FAM222A: variants seen among roughly 807,000 people sequenced by gnomAD.
The protein encoded by FAM222A is protein FAM222A.
FAM222A carries 7 observed loss-of-function variants against 25.8 expected under a neutral mutation model. The ratio of observed to expected loss-of-function variants is 0.27; its 90% CI spans 0.15 to 0.51. FAM222A has a LOEUF of 0.51. FAM222A is among the 20% of genes least tolerant of loss of function. FAM222A has a pLI of 0.97. For missense variants in FAM222A, 573 were observed against 640.5 expected (o/e 0.89, Z 1.14); for synonymous variants, 294 against 298.8 (o/e 0.98, Z 0.17).
chr12:109,755,282 T>G (rs1256880188), intron 2 of FAM222A, among the ~76,000 whole-genome samples: 2 of 122,024 alleles, frequency 1.6e-5, no homozygotes, highest in Non-Finnish European at 3.4e-5. Context: ...AGGTCTGTAA[T>G]TCTTCTTTTT....
At chr12:109,762,900 C>A (rs895558767) in intron 2 of FAM222A, among the ~76,000 whole-genome samples, 15 of 152,230 alleles carry the variant, frequency 9.9e-5, no homozygotes, top group African/African-American at 3.6e-4. Flanking sequence ...GAGGCTCATG[C>A]CCCACCTGAA....
At chr12:109,754,252 T>C (rs1261232332) in intron 2 of FAM222A, among the ~76,000 whole-genome samples, 3 of 151,976 alleles carry the variant, frequency 2.0e-5, no homozygotes, top group Non-Finnish European at 2.9e-5. Flanking sequence ...AGTATAAGGA[T>C]TAGAAAGGAG....
chr12:109,726,781 AG>A (rs1414276544), intron 1 of FAM222A, among the ~76,000 whole-genome samples: 1 of 152,134 alleles, frequency 6.6e-6, no homozygotes, highest in Non-Finnish European at 1.5e-5. Context: ...GGTGGGACTT[AG>A]GAGGGAGATG....
chr12:109,768,518 C>T lies in FAM222A; in HGVS notation c.589C>T (p.Pro197Ser). Residue 197 changes from proline to serine, a missense_variant, in exon 3 of 3, where the codon CCC becomes TCC. Transcript: ENST00000538780. The stretch of plus-strand genomic sequence containing the variant: ...CCTGCCCCTGCCACCTTCCAACCTG[C>T]CCTCCATCCACAGCCTCCTGTACCA... ...RGLPLPPSNLPSIHSLLYQLN... is the reference protein window; with the variant it reads ...RGLPLPPSNLSSIHSLLYQLN... The T allele has an allele frequency of 6.2e-7, 1 of 1,606,336 alleles. No homozygotes were observed.
At chr12:109,753,738 C>A (rs935274833) in intron 2 of FAM222A, among the ~76,000 whole-genome samples, 2 of 151,312 alleles carry the variant, frequency 1.3e-5, no homozygotes, top group Admixed American at 1.3e-4. Context: ...CTCAGGACGC[C>A]GACAGGCTGG....
In FAM222A at chr12:109,714,313, G is replaced by C. The variant is rs1566181263; in HGVS notation, c.-631G>C. 6.4e-6 allele frequency: 1 copy of C among 156,714 alleles called. No individual in the cohort carries two copies. The highest frequency in any genetic ancestry group is 2.4e-5 in the African/African-American group (1 of 41,422). The allele number at this position is 156,714 out of a possible 1,614,324, so 9.7% of individuals were successfully genotyped here. A position where few individuals can be genotyped will look rare whatever the true frequency, so the allele number is the denominator to read the frequency against. ...CGGTGCATTCTCGCCGCTGTTCTTTGCAACCTGCAGGGGCCGGTGTATGTC... is the reference window on the plus strand; with the variant it reads ...CGGTGCATTCTCGCCGCTGTTCTTTCCAACCTGCAGGGGCCGGTGTATGTC... On this transcript the variant is annotated 5_prime_UTR_variant, in exon 1 of 3. Coordinates refer to ENST00000538780, the MANE Select transcript of FAM222A (RefSeq NM_032829.3). This position sits in a 1 kb window ranked among gnomAD's most constrained non-coding sequence, Gnocchi z 4.2.
intron 1 of FAM222A, among the ~76,000 whole-genome samples, chr12:109,720,969 AG>A (rs1887735536): frequency 6.6e-6 from 1 of 152,170 alleles, no homozygotes; most frequent in Non-Finnish European, 1.5e-5. Flanking sequence ...TGGAGTAGCC[AG>A]GGAGGGCTCC....
At chr12:109,767,555 G>A (rs73202454) in intron 2 of FAM222A, among the ~76,000 whole-genome samples, 4 of 152,212 alleles carry the variant, frequency 2.6e-5, no homozygotes, top group Non-Finnish European at 4.4e-5. Context: ...ACCATACAGC[G>A]ATGAGACAGA....
intron 1 of FAM222A, among the ~76,000 whole-genome samples, chr12:109,718,659 C>T (rs1887692976): frequency 6.6e-6 from 1 of 152,222 alleles, no homozygotes; most frequent in Non-Finnish European, 1.5e-5. Context: ...CTGTGCGTTG[C>T]GGGCCGCGGG....
At chr12:109,747,252 C>T (rs1050258247) in intron 2 of FAM222A, among the ~76,000 whole-genome samples, 4 of 152,180 alleles carry the variant, frequency 2.6e-5, no homozygotes, top group Non-Finnish European at 5.9e-5. Context: ...CGCTACCACA[C>T]CTGGCTAATT....
intron 1 of FAM222A, among the ~76,000 whole-genome samples, chr12:109,723,002 T>TGGGGGGGGGGGGG (rs141202990): frequency 1.7e-3 from 102 of 61,498 alleles, no homozygotes; most frequent in African/African-American, 3.2e-3. Flanking sequence ...AGGGAGCGGG[T>TGGGGGGGGGGGGG]GGGGGGGGGA....
At chr12:109,720,327 G>A (rs1464304243) in intron 1 of FAM222A, among the ~76,000 whole-genome samples, 1 of 152,252 alleles carries the variant, frequency 6.6e-6, no homozygotes, top group Non-Finnish European at 1.5e-5. Context: ...CCCAGAGTCT[G>A]TGGGGAGGGG....
intron 1 of FAM222A, among the ~76,000 whole-genome samples, chr12:109,728,243 G>A (rs1887878939): frequency 6.6e-6 from 1 of 152,140 alleles, no homozygotes; most frequent in African/African-American, 2.4e-5. Flanking sequence ...ATGCACCAGG[G>A]ACTGTCCCAC....
rs1471072718 is a variant in FAM222A, at chr12:109,769,602, G to A, written c.*314G>A. 4.6e-5 allele frequency: 18 copies of A among 390,344 alleles called. No homozygotes were observed. The highest frequency in any genetic ancestry group is 4.7e-6 in the Non-Finnish European group (1 of 214,990). The allele number at this position is 390,344 out of a possible 1,614,324, so 24.2% of individuals were successfully genotyped here. On this transcript the variant is annotated 3_prime_UTR_variant, in exon 3 of 3. Coordinates refer to ENST00000538780, the MANE Select transcript of FAM222A (RefSeq NM_032829.3). ...AGAGAAACCACTCAAAAACAGGAAT[G>A]GTTCTTTCTGGGCCTCCTGGGACAG...
rs150979084 is a variant in FAM222A at position 109,736,682 on chromosome 12, T to C, written c.-46-7419T>C. ...GCACAGGGCCTGGCCTGGCACATAGTTGGTGTTTAATCTGTCATGCCGTCC... is the reference window on the plus strand; with the variant it reads ...GCACAGGGCCTGGCCTGGCACATAGCTGGTGTTTAATCTGTCATGCCGTCC... On this transcript the variant is annotated intron_variant, in intron 1 of 2. Transcript: ENST00000538780. Among the ~76,000 whole-genome samples, 6 of 152,266 alleles carry C rather than the reference T, an allele frequency of 3.9e-5. No homozygotes were observed. The East Asian group carries it at 5.8e-4, about 15-fold the overall frequency.
At chr12:109,737,868 G>C (rs900323994) in intron 1 of FAM222A, among the ~76,000 whole-genome samples, 2 of 152,174 alleles carry the variant, frequency 1.3e-5, no homozygotes, top group Non-Finnish European at 2.9e-5. Context: ...AGGGTCCCTT[G>C]GAAGGCCTCC....
intron 1 of FAM222A, among the ~76,000 whole-genome samples, chr12:109,732,558 G>A (rs538070091): frequency 6.2e-4 from 95 of 152,354 alleles, no homozygotes; most frequent in Non-Finnish European, 1.2e-3. Context: ...ATTTGTAACC[G>A]TCACCAGGCA....
intron 1 of FAM222A, among the ~76,000 whole-genome samples, chr12:109,725,881 A>G (rs1227207740): frequency 6.6e-6 from 1 of 152,094 alleles, no homozygotes; most frequent in African/African-American, 2.4e-5. Flanking sequence ...ATAAAAGGGA[A>G]ACTCCACAGT....
intron 2 of FAM222A, 105 bp downstream of exon 2, chr12:109,744,333 T>C: frequency 6.8e-7 from 1 of 1,469,538 alleles, no homozygotes; most frequent in South Asian, 1.3e-5. Context: ...AAAGTCTCTA[T>C]GCTCTCTTAG....
Sources: allele counts gnomAD v4.1 joint callset (sites outside exome capture counted in the v4.1 genomes callset), GRCh38; gene constraint gnomAD v4.1.1; non-coding constraint Gnocchi (gnomAD v3.1); transcripts MANE v1.5; gene names NCBI Gene and HGNC (gene_info 2026-07-23, HGNC 2026-07-21).